Variants in ITM2C observed in about 807,000 individuals in gnomAD.
ITM2C encodes integral membrane protein 2C, also known as BRICHOS domain containing 2C.
Under a neutral mutation model 30.0 loss-of-function variants are expected in ITM2C, and 20 were observed. That is an observed-to-expected ratio of 0.67 (90% CI 0.47 to 0.97). The LOEUF is 0.97. ITM2C is among the 50% of genes least tolerant of loss of function. The pLI, the probability that ITM2C is intolerant of heterozygous loss-of-function variation, is 0.00. For missense variants in ITM2C, 366 were observed against 371.9 expected (o/e 0.98, Z 0.13); for synonymous variants, 167 against 156.4 (o/e 1.07, Z -0.51).
At chr2:230,873,837 C>A (rs1697226935) in intron 2 of ITM2C, among the ~76,000 whole-genome samples, 1 of 152,210 alleles carries the variant, frequency 6.6e-6, no homozygotes, top group Non-Finnish European at 1.5e-5. Context: ...GGAATTCTCA[C>A]CAGAAACTCA....
At chr2:230,868,390 C>T (rs531974158) in intron 1 of ITM2C, among the ~76,000 whole-genome samples, 11 of 152,160 alleles carry the variant, frequency 7.2e-5, no homozygotes, top group Admixed American at 1.3e-4. Flanking sequence ...CCCTCCTCCC[C>T]TTTGGGGGCC....
chr2:230,878,170 C>A lies in ITM2C; in HGVS notation c.*71C>A. On this transcript the variant is annotated 3_prime_UTR_variant, in exon 6 of 6. Transcript: ENST00000326427. The surrounding 1 kb of genome is among the most constrained non-coding windows in gnomAD (Gnocchi z 4.5). ...TTCCGGCTGCTCTCTGGCCCTCCTC[C>A]TTCCCCCTGCTTAGCTTGTACTTTG... 9.1e-7 allele frequency: 1 copy of A among 1,095,560 alleles called. No individual in the cohort carries two copies. 67.9% of individuals were successfully genotyped at this position (1,095,560 alleles called of 1,614,324 possible). A position where few individuals can be genotyped will look rare whatever the true frequency, so the allele number is the denominator to read the frequency against.
rs529048814 is a variant in ITM2C at position 230,876,721 on chromosome 2, C to T, written c.451-136C>T. The stretch of plus-strand genomic sequence containing the variant: ...TGGTCTCGATCTCCTGACCTTTGAT[C>T]CGCCCGCCTCAGCCTCCCAAAGTGC... On this transcript the variant is annotated intron_variant, in intron 3 of 5. Coordinates refer to ENST00000326427, the MANE Select transcript of ITM2C (RefSeq NM_030926.6). The T allele has an allele frequency of 1.3e-5, 8 of 600,754 alleles. No individual in the cohort carries two copies. The South Asian group carries it at 1.5e-4, about 11-fold the overall frequency. 37.2% of individuals were successfully genotyped at this position (600,754 alleles called of 1,614,324 possible). A position where few individuals can be genotyped will look rare whatever the true frequency, so the allele number is the denominator to read the frequency against.
Position 230,875,766 on chromosome 2 carries a change from TG to T in ITM2C, c.410del (p.Gly137AlafsTer16). On this transcript the variant is annotated frameshift_variant, in exon 3 of 6. Coordinates refer to ENST00000326427, the MANE Select transcript of ITM2C (RefSeq NM_030926.6). LOFTEE classifies it high-confidence loss of function. ...GCATCAACGTGCCTGTGCCCCAGTT[TG>T]GCGGCGGTGACCCTGCAGACATCAT... ...ERINVPVPQFGGGDPADIIHD... is the reference protein window; with the variant it reads ...ERINVPVPQFXGGDPADIIHD... The T allele has an allele frequency of 6.5e-7, 1 of 1,538,230 alleles. No homozygotes were observed. The highest frequency in any genetic ancestry group is 8.8e-7 in the Non-Finnish European group (1 of 1,136,822).
intron 2 of ITM2C, 26 bp from the exon 3 acceptor site, chr2:230,875,590 ACTGT>A (rs761343693): frequency 4.5e-6 from 7 of 1,563,060 alleles, no homozygotes; most frequent in Admixed American, 3.6e-5. Flanking sequence ...AGCCTCTCTG[ACTGT>A]CTGTCTGTCT....
chr2:230,873,645 A>G (rs1697222769), intron 2 of ITM2C, 88 bp downstream of exon 2: 1 of 1,312,312 alleles, frequency 7.6e-7, no homozygotes, highest in Admixed American at 2.4e-5. Context: ...AGGGGGCAGC[A>G]GGAAGCCCCA....
intron 2 of ITM2C, among the ~76,000 whole-genome samples, chr2:230,874,653 G>T (rs755664621): frequency 1.3e-5 from 2 of 152,162 alleles, no homozygotes; most frequent in African/African-American, 4.8e-5. Context: ...TCTCATCCCC[G>T]CACAGCCCAC....
At chr2:230,871,015 C>T (rs753951197) in intron 1 of ITM2C, among the ~76,000 whole-genome samples, 20 of 152,320 alleles carry the variant, frequency 1.3e-4, no homozygotes, top group African/African-American at 4.6e-4. Context: ...AGGAAAGGCT[C>T]GGCTGATAAA....
At chr2:230,873,661 G>T (rs1014389128) in intron 2 of ITM2C, 104 bp downstream of exon 2, 3 of 1,193,718 alleles carry the variant, frequency 2.5e-6, no homozygotes, top group Non-Finnish European at 3.4e-6. Context: ...CCCCAGACAT[G>T]CCCTCAGGTG....
Position 230,865,401 on chromosome 2 carries a change from G to A in ITM2C, c.120+256G>A. On this transcript the variant is annotated intron_variant, in intron 1 of 5. Transcript: ENST00000326427. This position sits in a 1 kb window ranked among gnomAD's most constrained non-coding sequence, Gnocchi z 6.8. ...CTGGTCTTCAGGTGGAGAAGTGCTCGAGGTCTCTTCCAAAAGTGGGGGCCC... is the reference window on the plus strand; with the variant it reads ...CTGGTCTTCAGGTGGAGAAGTGCTCAAGGTCTCTTCCAAAAGTGGGGGCCC... 2.7e-6 allele frequency: 1 copy of A among 376,796 alleles called. No individual in the cohort carries two copies. Among genetic ancestry groups the A allele is most frequent in the Non-Finnish European group, 4.6e-6 (1 of 215,698 alleles). 23.3% of individuals were successfully genotyped at this position (376,796 alleles called of 1,614,324 possible). A position where few individuals can be genotyped will look rare whatever the true frequency, so the allele number is the denominator to read the frequency against.
Position 230,877,062 on chromosome 2 carries a change from G to A in ITM2C, c.561+95G>A, listed in dbSNP as rs778933950. 99 of 913,460 alleles carry A rather than the reference G, an allele frequency of 1.1e-4. No homozygotes were observed. Among genetic ancestry groups the A allele is most frequent in the Non-Finnish European group, 1.2e-4 (67 of 567,360 alleles). 56.6% of individuals were successfully genotyped at this position (913,460 alleles called of 1,614,324 possible). On this transcript the variant is annotated intron_variant, in intron 4 of 5. Transcript: ENST00000326427. This position sits in a 1 kb window ranked among gnomAD's most constrained non-coding sequence, Gnocchi z 4.8. ...GGTCTGAGGTACAGGAAGTTCCTGT[G>A]TCAGGGGTTGGGGGAGCAAGAGACA...
chr2:230,871,796 G>GA (rs1173868494), intron 1 of ITM2C, among the ~76,000 whole-genome samples: 1 of 152,216 alleles, frequency 6.6e-6, no homozygotes, highest in Non-Finnish European at 1.5e-5. Flanking sequence ...CAGTGAAGGG[G>GA]GGGTCCTCCA....
At chr2:230,872,731 C>A (rs1697194770) in intron 1 of ITM2C, among the ~76,000 whole-genome samples, 2 of 152,058 alleles carry the variant, frequency 1.3e-5, no homozygotes, top group Admixed American at 1.3e-4. Flanking sequence ...GTGTGGATCA[C>A]AGGCCTAGAG....
intron 1 of ITM2C, among the ~76,000 whole-genome samples, chr2:230,871,948 T>G (rs1697176503): frequency 6.6e-6 from 1 of 152,238 alleles, no homozygotes; most frequent in Non-Finnish European, 1.5e-5. Context: ...AGGACCCCTG[T>G]GCTGTGCTGA....
intron 2 of ITM2C, 148 bp downstream of exon 2, chr2:230,873,705 G>A: frequency 1.4e-6 from 1 of 730,576 alleles, no homozygotes; most frequent in Non-Finnish European, 2.1e-6. Flanking sequence ...CAAGACTGGG[G>A]TGCCCCCTCC....
chr2:230,873,343 A>C (rs1697212433), intron 1 of ITM2C, 74 bp from the exon 2 acceptor site: 4 of 1,401,966 alleles, frequency 2.9e-6, no homozygotes, highest in Non-Finnish European at 2.8e-6. Flanking sequence ...CAGCAGGTGA[A>C]GCCTGACTTA....
intron 3 of ITM2C, 147 bp downstream of exon 3, chr2:230,875,955 C>A: frequency 1.5e-6 from 1 of 664,256 alleles, no homozygotes; most frequent in Non-Finnish European, 2.5e-6. Flanking sequence ...CTGCTTTTCT[C>A]CTGTTAGCAA....
At chr2:230,871,742 T>C (rs1452226531) in intron 1 of ITM2C, among the ~76,000 whole-genome samples, 1 of 152,186 alleles carries the variant, frequency 6.6e-6, no homozygotes, top group Non-Finnish European at 1.5e-5. Flanking sequence ...GGGCACCCCA[T>C]GGTGAGGATG....
chr2:230,868,624 C>T, intron 1 of ITM2C, among the ~76,000 whole-genome samples: 1 of 152,218 alleles, frequency 6.6e-6, no homozygotes, highest in East Asian at 1.9e-4. Flanking sequence ...GATTAATGGT[C>T]CTGTGTCACC....
Sources: gnomAD v4.1 joint callset for allele counts (sites outside exome capture counted in the v4.1 genomes callset) on GRCh38, gnomAD v4.1.1 for gene constraint, Gnocchi (gnomAD v3.1) non-coding constraint, MANE v1.5 for transcripts, NCBI Gene and HGNC (gene_info 2026-07-23, HGNC 2026-07-21) for gene names.